The following FIGN variants were observed in gnomAD, a reference collection of about 807,000 sequenced individuals.
FIGN encodes fidgetin, microtubule severing factor.
Under a neutral mutation model 51.3 loss-of-function variants are expected in FIGN, and 11 were observed. That is an observed-to-expected ratio of 0.21 (90% CI 0.13 to 0.35). FIGN has a LOEUF of 0.35. Among genes scored for constraint, FIGN ranks in the 10% least tolerant of loss-of-function variants. The pLI, the probability that FIGN is intolerant of heterozygous loss-of-function variation, is 1.00. For missense variants in FIGN, 857 were observed against 943.6 expected, an observed-to-expected ratio of 0.91 and a Z score of 1.20; for synonymous variants, 407 against 363.2, an observed-to-expected ratio of 1.12 and a Z score of -1.37.
intron 2 of FIGN, chr2:163,612,593 A>C: frequency 1.0e-6 from 1 of 984,920 alleles, no homozygotes; most frequent in Non-Finnish European, 1.2e-6. Context: ...CTCTGAAAAA[A>C]AAAACAAGCA....
intron 2 of FIGN, among the ~76,000 whole-genome samples, chr2:163,673,358 T>C (rs1431298103): frequency 6.6e-6 from 1 of 152,164 alleles, no homozygotes. Context: ...CTGATTCTCT[T>C]CTGGACAAGG....
intron 2 of FIGN, among the ~76,000 whole-genome samples, chr2:163,680,547 C>CTGGAAGCCTG (rs1393225332): frequency 2.6e-5 from 4 of 152,170 alleles, no homozygotes; most frequent in Non-Finnish European, 5.9e-5. Context: ...ACCCCCTCAC[C>CTGGAAGCCTG]TGGAAGCCTG....
chr2:163,617,984 C>A (rs1682906770), intron 2 of FIGN, among the ~76,000 whole-genome samples: 1 of 152,088 alleles, frequency 6.6e-6, no homozygotes, highest in Non-Finnish European at 1.5e-5. Context: ...AAATCACTCC[C>A]AGAATTTATA....
In FIGN at chr2:163,606,238, G is replaced by A. The variant is rs2105295308; in HGVS notation, c.*3314C>T. 1 of 152,202 alleles carries A rather than the reference G, an allele frequency of 6.6e-6. No homozygotes were observed. The highest frequency in any genetic ancestry group is 1.5e-5 in the Non-Finnish European group (1 of 67,992). The allele number at this position is 152,202 out of a possible 1,614,324, so 9.4% of individuals were successfully genotyped here. On this transcript the variant is annotated 3_prime_UTR_variant, in exon 3 of 3. Coordinates refer to ENST00000333129, the MANE Select transcript of FIGN (RefSeq NM_018086.4). Reference sequence around the variant, plus strand: ...CAAAGTTTTTCATATTGTCACTAATGTTCTAAATATTTGGGAGAGAAGCAT... The same window carrying A: ...CAAAGTTTTTCATATTGTCACTAATATTCTAAATATTTGGGAGAGAAGCAT...
intron 2 of FIGN, among the ~76,000 whole-genome samples, chr2:163,694,711 T>A (rs984479921): frequency 6.6e-6 from 1 of 152,194 alleles, no homozygotes; most frequent in East Asian, 1.9e-4. Context: ...ATGGCTGTGC[T>A]CAATCATTTT....
rs371120062 is a variant in FIGN at position 163,611,556 on chromosome 2, C to G, written c.276G>C (p.Ser92=). 4.3e-6 allele frequency: 7 copies of G among 1,614,018 alleles called. No homozygotes were observed. The East Asian group carries it at 1.6e-4, about 36-fold the overall frequency. Residue 92 remains serine (S), a synonymous_variant, in exon 3 of 3, where the codon TCG becomes TCC. Coordinates refer to ENST00000333129, the MANE Select transcript of FIGN (RefSeq NM_018086.4). The part of the protein sequence containing the change: ...PVDRPVLSNY[S]DTPSGLVNGR... ...CGTTCACTAGTCCTGATGGTGTGTC[C>G]GAATAGTTGCTGAGTACGGGTCGGT...
intron 2 of FIGN, among the ~76,000 whole-genome samples, chr2:163,728,729 C>G (rs905559402): frequency 2.0e-5 from 3 of 152,170 alleles, no homozygotes; most frequent in African/African-American, 7.2e-5. Flanking sequence ...GAAGGCAGGG[C>G]TGGCTTCATT....
rs1237563224 is a variant in FIGN, at chr2:163,735,042, C to T, written c.-115G>A. The T allele has an allele frequency of 3.9e-6, 4 of 1,038,760 alleles. No homozygotes were observed. The highest frequency in any genetic ancestry group is 4.3e-5 in the Admixed American group (2 of 46,344). 64.3% of individuals were successfully genotyped at this position (1,038,760 alleles called of 1,614,324 possible). On this transcript the variant is annotated 5_prime_UTR_variant, in exon 2 of 3. Coordinates refer to ENST00000333129, the MANE Select transcript of FIGN (RefSeq NM_018086.4). ...GCTATCAAATGTCACTGCCTTGAAACGTGGGCCCTTTCGTCAGGTATTCAT... is the reference window on the plus strand; with the variant it reads ...GCTATCAAATGTCACTGCCTTGAAATGTGGGCCCTTTCGTCAGGTATTCAT...
chr2:163,612,317 C>A (rs2231895), intron 2 of FIGN: 41,210 of 985,252 alleles, frequency 0.042, 981 homozygotes, highest in Non-Finnish European at 0.046. Context: ...TGACAGATCA[C>A]ATCTAGGATA....
intron 2 of FIGN, among the ~76,000 whole-genome samples, chr2:163,681,610 G>A (rs894801186): frequency 6.6e-6 from 1 of 152,124 alleles, no homozygotes; most frequent in Non-Finnish European, 1.5e-5. Context: ...CATGATGACT[G>A]CACGCCTGGC....
chr2:163,698,417 T>C (rs1364689098), intron 2 of FIGN, among the ~76,000 whole-genome samples: 1 of 151,832 alleles, frequency 6.6e-6, no homozygotes, highest in Non-Finnish European at 1.5e-5. Context: ...CCACTCCTAG[T>C]CTCCCAATGC....
chr2:163,643,873 A>G (rs779391248), intron 2 of FIGN, among the ~76,000 whole-genome samples: 2 of 141,496 alleles, frequency 1.4e-5, no homozygotes, highest in Non-Finnish European at 3.0e-5. Context: ...CAGAGGTTGC[A>G]GTGAGCTGAG....
intron 2 of FIGN, among the ~76,000 whole-genome samples, chr2:163,681,173 A>G (rs1684056271): frequency 6.6e-6 from 1 of 152,194 alleles, no homozygotes; most frequent in Admixed American, 6.5e-5. Context: ...GGAGGGGTCA[A>G]TAAATAGTTG....
chr2:163,675,731 TA>T (rs1683950471), intron 2 of FIGN, among the ~76,000 whole-genome samples: 1 of 135,158 alleles, frequency 7.4e-6, no homozygotes, highest in Non-Finnish European at 1.6e-5. Context: ...TTTTTTTTTG[TA>T]CAAGCATGTC....
At position 163,610,602 on chromosome 2, in the gene FIGN, T is replaced by C. The variant is rs1471390496; in HGVS notation, c.1230A>G (p.Ser410=). 2.5e-6 allele frequency: 4 copies of C among 1,614,072 alleles called. No individual in the cohort carries two copies. Among genetic ancestry groups the C allele is most frequent in the Non-Finnish European group, 3.4e-6 (4 of 1,180,034 alleles). The part of the protein sequence containing the change: ...TPPSYSTAKN[S]LGSRSSESFG... The stretch of plus-strand genomic sequence containing the variant: ...AGGATTCACTGGATCTTGATCCCAA[T>C]GAATTTTTAGCAGTACTGTAGGAAG... Residue 410 remains serine (S), a synonymous_variant, in exon 3 of 3, where the codon TCA becomes TCG. Coordinates refer to ENST00000333129, the MANE Select transcript of FIGN (RefSeq NM_018086.4).
chr2:163,619,088 C>T (rs1371362273), intron 2 of FIGN, among the ~76,000 whole-genome samples: 1 of 151,998 alleles, frequency 6.6e-6, no homozygotes, highest in Non-Finnish European at 1.5e-5. Context: ...TCAGTGTTCC[C>T]CCTTTTGCTC....
At position 163,688,338 on chromosome 2, in the gene FIGN, G is replaced by A. The variant is rs565180201; in HGVS notation, c.25+46565C>T. Among the ~76,000 whole-genome samples the A allele has an allele frequency of 2.0e-5, 3 of 152,238 alleles. No individual in the cohort carries two copies. The South Asian group carries it at 6.2e-4, about 32-fold the overall frequency. On this transcript the variant is annotated intron_variant, in intron 2 of 2. Transcript: ENST00000333129. ...CACATTATAAAATAGCAAACAAAAT[G>A]AAGACATAATCTAATTGAGAGCTAT... is the stretch of plus-strand genomic sequence containing the variant.
rs35790118 is a variant in FIGN at position 163,668,025 on chromosome 2, C to CA, written c.26-56220dup. 7.8e-3 allele frequency among the ~76,000 whole-genome samples: 1,132 copies of CA among 144,526 alleles called. 47 individuals are homozygous for CA. Among genetic ancestry groups the CA allele is most frequent in the African/African-American group, 0.028 (1,055 of 38,282 alleles). 94.8% of individuals were successfully genotyped at this position (144,526 alleles called of 152,430 possible). On this transcript the variant is annotated intron_variant, in intron 2 of 2. Transcript: ENST00000333129. ...CACCCCTACCTCCAACCCCCCCCCC[C>CA]AAAAAACCCTCCACAAGTAACAAAC...
chr2:163,719,385 C>T, intron 2 of FIGN, among the ~76,000 whole-genome samples: 1 of 152,112 alleles, frequency 6.6e-6, no homozygotes, highest in Non-Finnish European at 1.5e-5. Flanking sequence ...GCAATACATA[C>T]ACAGACATAG....
Sources: gnomAD v4.1 joint callset for allele counts (sites outside exome capture counted in the v4.1 genomes callset) on GRCh38, gnomAD v4.1.1 for gene constraint, MANE v1.5 for transcripts, NCBI Gene and HGNC (gene_info 2026-07-23, HGNC 2026-07-21) for gene names.